Variants in SCUBE2 observed in about 807,000 individuals in gnomAD.
SCUBE2 encodes signal peptide, CUB and EGF-like domain-containing protein 2.
A neutral mutation model predicts 125.9 loss-of-function variants in SCUBE2; 114 were observed. The observed-to-expected ratio is 0.91, with a 90% CI of 0.78 to 1.06. SCUBE2 has a LOEUF of 1.06. Among genes scored for constraint, SCUBE2 ranks in the 50% least tolerant of loss-of-function variants. SCUBE2 has a pLI of 0.00. For synonymous variants in SCUBE2, 459 were observed against 492.9 expected, an observed-to-expected ratio of 0.93 and a Z score of 0.91; for missense variants, 1,255 against 1,301.8, an observed-to-expected ratio of 0.96 and a Z score of 0.55.
intron 7 of SCUBE2, 84 bp from the exon 8 acceptor site, chr11:9,060,608 G>A (rs1859583441): frequency 1.8e-6 from 2 of 1,127,832 alleles, no homozygotes; most frequent in East Asian, 4.8e-5. Flanking sequence ...CAAGAAGCAT[G>A]GTGGGGTACT....
chr11:9,070,630 G>A (rs76387972), intron 4 of SCUBE2, among the ~76,000 whole-genome samples: 156 of 152,280 alleles, frequency 1.0e-3, no homozygotes, highest in African/African-American at 3.7e-3. Context: ...GTACAAAAAG[G>A]TTGCTTTCAC....
In SCUBE2 at chr11:9,020,900, C is replaced by G. The variant is rs1855242223; in HGVS notation, c.*145G>C. 4 of 638,992 alleles carry G rather than the reference C, an allele frequency of 6.3e-6. No homozygotes were observed. Among genetic ancestry groups the G allele is most frequent in the Non-Finnish European group, 1.0e-5 (4 of 397,728 alleles). The allele number at this position is 638,992 out of a possible 1,614,324, so 39.6% of individuals were successfully genotyped here. ...AACCAAGTTCAATTTACCAAAATAT[C>G]TGTATTATCTATAAAAATTGAACTC... On this transcript the variant is annotated 3_prime_UTR_variant, in exon 23 of 23. Transcript: ENST00000649792.
At chr11:9,056,571 T>C (rs1859104428) in intron 9 of SCUBE2, among the ~76,000 whole-genome samples, 1 of 152,206 alleles carries the variant, frequency 6.6e-6, no homozygotes, top group African/African-American at 2.4e-5. Context: ...CTCCCCTATG[T>C]GCCAGTCCTA....
chr11:9,091,262 A>G lies in SCUBE2; in HGVS notation c.133+134T>C, dbSNP rs991118278. 1.8e-6 allele frequency: 1 copy of G among 553,150 alleles called. No homozygotes were observed. Among genetic ancestry groups the G allele is most frequent in the Non-Finnish European group, 2.6e-6 (1 of 383,740 alleles). 34.3% of individuals were successfully genotyped at this position (553,150 alleles called of 1,614,324 possible). ...GGCCGGCGGGTGAGGTCCCGGGGGG[A>G]GCAGAGGCCCCCGCGGAGCTGCAGC... On this transcript the variant is annotated intron_variant, in intron 1 of 22. Coordinates refer to ENST00000649792, the MANE Select transcript of SCUBE2 (RefSeq NM_001367977.2). This position sits in a 1 kb window ranked among gnomAD's most constrained non-coding sequence, Gnocchi z 8.5.
In SCUBE2 at chr11:9,019,513, A is replaced by T. The variant is rs1045083742; in HGVS notation, c.*1532T>A. Among the ~76,000 whole-genome samples the T allele has an allele frequency of 2.7e-5, 4 of 149,810 alleles. No individual in the cohort carries two copies. The highest frequency in any genetic ancestry group is 5.9e-5 in the Non-Finnish European group (4 of 67,446). On this transcript the variant is annotated 3_prime_UTR_variant, in exon 23 of 23. Transcript: ENST00000649792. ...AAGTCCAAGTGCTTGTTTTAATGCT[A>T]TTTTTTTTTTAATGATGATGTTCAA...
chr11:9,038,187 G>A (rs1856898833), intron 16 of SCUBE2, among the ~76,000 whole-genome samples: 1 of 152,172 alleles, frequency 6.6e-6, no homozygotes, highest in African/African-American at 2.4e-5. Flanking sequence ...AAATCTCAAT[G>A]AGCAAGCAAA....
At chr11:9,029,810 C>A in intron 19 of SCUBE2, 74 bp downstream of exon 19, 1 of 1,536,262 alleles carries the variant, frequency 6.5e-7, no homozygotes, top group Non-Finnish European at 9.0e-7. Context: ...CTGCCCCGTG[C>A]CCCCTGCTCT....
rs765736395 is a variant in SCUBE2, at chr11:9,074,644, T to C, written c.383-29A>G. The C allele has an allele frequency of 3.1e-6, 5 of 1,613,366 alleles. No individual in the cohort carries two copies. In the South Asian group the frequency reaches 5.5e-5, roughly 18 times the overall value. ...GAAGGAGAGAGGGATTAGCCTTTGC[T>C]TTGGTGACTGTTTCAATGCCCCACC... is the stretch of plus-strand genomic sequence containing the variant. On this transcript the variant is annotated intron_variant, in intron 3 of 22. Transcript: ENST00000649792.
At position 9,020,091 on chromosome 11, in the gene SCUBE2, A is replaced by C. The variant is rs1208380833; in HGVS notation, c.*954T>G. Among the ~76,000 whole-genome samples, 1 of 152,190 alleles carries C rather than the reference A, an allele frequency of 6.6e-6. No homozygotes were observed. Among genetic ancestry groups the C allele is most frequent in the East Asian group, 1.9e-4 (1 of 5,186 alleles). On this transcript the variant is annotated 3_prime_UTR_variant, in exon 23 of 23. Transcript: ENST00000649792. The stretch of plus-strand genomic sequence containing the variant: ...TTGAGACTGGGGAAGGAAGGCATAC[A>C]TGACAGGCTGGGCCTCACCACACCC...
intron 16 of SCUBE2, among the ~76,000 whole-genome samples, chr11:9,036,727 C>A (rs1019776363): frequency 6.6e-6 from 1 of 152,236 alleles, no homozygotes; most frequent in African/African-American, 2.4e-5. Flanking sequence ...CTGGTTCTCA[C>A]TGAGCCAGGG....
Position 9,027,425 on chromosome 11 carries a change from G to A in SCUBE2, c.2640C>T (p.Val880=). 1 of 1,614,036 alleles carries A rather than the reference G, an allele frequency of 6.2e-7. No individual in the cohort carries two copies. Among genetic ancestry groups the A allele is most frequent in the Non-Finnish European group, 8.5e-7 (1 of 1,180,014 alleles). The change falls in exon 20 of 23, where the codon GTC becomes GTT. Residue 880 remains valine, a synonymous_variant. Coordinates refer to ENST00000649792, the MANE Select transcript of SCUBE2 (RefSeq NM_001367977.2). ...PPPKRRILIV[V]PEIFLPIEDD... is the part of the protein sequence containing the mutation. The stretch of plus-strand genomic sequence containing the variant: ...CCTCTATGGGCAGGAAGATCTCAGG[G>A]ACCACGATCAGGATGCGGCGCTTGG...
chr11:9,034,424 T>C (rs1192457138), intron 16 of SCUBE2, among the ~76,000 whole-genome samples: 1 of 152,172 alleles, frequency 6.6e-6, no homozygotes. Context: ...AAGGAATCAT[T>C]GAAAGGACAG....
intron 2 of SCUBE2, among the ~76,000 whole-genome samples, chr11:9,081,953 G>A (rs1861675320): frequency 6.6e-6 from 1 of 152,088 alleles, no homozygotes; most frequent in Non-Finnish European, 1.5e-5. Context: ...CCACCAACAG[G>A]TGCACAAAGC....
intron 14 of SCUBE2, 83 bp downstream of exon 14, chr11:9,050,523 C>G: frequency 9.6e-7 from 1 of 1,040,206 alleles, no homozygotes; most frequent in Non-Finnish European, 1.5e-6. Context: ...AGCCCCTGGC[C>G]CCCATGGACC....
chr11:9,035,816 T>G (rs1487009766), intron 16 of SCUBE2, among the ~76,000 whole-genome samples: 1 of 152,180 alleles, frequency 6.6e-6, no homozygotes. Flanking sequence ...TCTATCCAAA[T>G]ATCTAAATCT....
At chr11:9,079,250 G>A (rs1249437412) in intron 3 of SCUBE2, 134 bp downstream of exon 3, 15 of 866,378 alleles carry the variant, frequency 1.7e-5, no homozygotes, top group East Asian at 2.7e-5. Flanking sequence ...TTTCTATCAC[G>A]GAGTCTGACT....
At chr11:9,045,495 A>G (rs1857610028) in intron 16 of SCUBE2, among the ~76,000 whole-genome samples, 1 of 152,040 alleles carries the variant, frequency 6.6e-6, no homozygotes, top group Admixed American at 6.6e-5. Flanking sequence ...TCTAAAAGGA[A>G]CTATCCTAAG....
At chr11:9,023,517 C>A (rs1855480820) in intron 21 of SCUBE2, among the ~76,000 whole-genome samples, 1 of 152,182 alleles carries the variant, frequency 6.6e-6, no homozygotes, top group Non-Finnish European at 1.5e-5. Flanking sequence ...GAAAACTAGA[C>A]AGCTGTTTGC....
chr11:9,036,923 C>T (rs1856794068), intron 16 of SCUBE2, among the ~76,000 whole-genome samples: 3 of 152,200 alleles, frequency 2.0e-5, no homozygotes, highest in South Asian at 4.1e-4. Context: ...AGTTCTTTTT[C>T]CTCACAATGA....
Sources: gnomAD v4.1 joint callset for allele counts (sites outside exome capture counted in the v4.1 genomes callset) on GRCh38, gnomAD v4.1.1 for gene constraint, Gnocchi (gnomAD v3.1) non-coding constraint, MANE v1.5 for transcripts, NCBI Gene and HGNC (gene_info 2026-07-23, HGNC 2026-07-21) for gene names.